WDR35: variants seen among roughly 807,000 people sequenced by gnomAD.
WDR35 encodes WD repeat domain 35, also known as WD repeat-containing protein 35.
Under a neutral mutation model 158.3 loss-of-function variants are expected in WDR35, and 118 were observed. The observed-to-expected ratio is 0.75, with a 90% CI of 0.64 to 0.87. WDR35 has a LOEUF of 0.87. WDR35 is among the 40% of genes least tolerant of loss of function. The pLI is 0.00. For synonymous variants in WDR35, 448 were observed against 476.1 expected (o/e 0.94, Z 0.77); for missense variants, 1,263 against 1,405.8 (o/e 0.90, Z 1.62).
At chr2:19,969,321 A>G (rs1671960194) in intron 9 of WDR35, among the ~76,000 whole-genome samples, 159 bp downstream of exon 9, 1 of 152,168 alleles carries the variant, frequency 6.6e-6, no homozygotes, top group African/African-American at 2.4e-5. Context: ...CTAACTATAT[A>G]TAGTATTCTA....
intron 13 of WDR35, among the ~76,000 whole-genome samples, chr2:19,949,874 C>T (rs113760482): frequency 1.3e-5 from 2 of 152,162 alleles, no homozygotes; most frequent in African/African-American, 4.8e-5. Context: ...GATAGTGAAG[C>T]CAACCACTGA....
At chr2:19,919,417 A>G (rs894147222) in intron 25 of WDR35, among the ~76,000 whole-genome samples, 1 of 150,116 alleles carries the variant, frequency 6.7e-6, no homozygotes, top group Non-Finnish European at 1.5e-5. Context: ...AAAGAAAAAG[A>G]AAAAAAAAGA....
At position 19,915,317 on chromosome 2, in the gene WDR35, A is replaced by G. The variant is rs1572303150; in HGVS notation, c.3122-1040T>C. 2.0e-5 allele frequency among the ~76,000 whole-genome samples: 3 copies of G among 152,286 alleles called. No homozygotes were observed. In the Middle Eastern group the frequency reaches 0.01, roughly 518 times the overall value. On this transcript the variant is annotated intron_variant, in intron 25 of 26. Transcript: ENST00000281405. Reference sequence around the variant, plus strand: ...ACAAAGTGTAGTAGAAAAAATGTATATAAAATGTAATCACTCAGTTACAAT... The same window carrying G: ...ACAAAGTGTAGTAGAAAAAATGTATGTAAAATGTAATCACTCAGTTACAAT...
intron 3 of WDR35, among the ~76,000 whole-genome samples, chr2:19,981,680 G>A (rs1672386833): frequency 6.6e-6 from 1 of 151,976 alleles, no homozygotes; most frequent in Non-Finnish European, 1.5e-5. Flanking sequence ...ACCACGCCTG[G>A]TTAATTTTTT....
chr2:19,989,270 T>TG lies in WDR35; in HGVS notation c.36dup (p.Asn13GlnfsTer2). On this transcript the variant is annotated frameshift_variant, in exon 2 of 27. Transcript: ENST00000281405. LOFTEE classifies it high-confidence loss of function. Reference sequence around the variant, plus strand: ...GATACACACTGCAGCTTCACGTTATTGGGAATGGAAATCTGAAAAAGCAAC... The same window carrying TG: ...GATACACACTGCAGCTTCACGTTATTGGGGAATGGAAATCTGAAAAAGCAAC... 6.2e-7 allele frequency: 1 copy of TG among 1,614,164 alleles called. No homozygotes were observed. The highest frequency in any genetic ancestry group is 1.1e-5 in the South Asian group (1 of 91,084).
At chr2:19,980,822 C>A in intron 3 of WDR35, 39 bp from the exon 4 acceptor site, 1 of 1,561,094 alleles carries the variant, frequency 6.4e-7, no homozygotes, top group South Asian at 1.1e-5. Flanking sequence ...TTAAAGGTTA[C>A]AATTAATTTC....
intron 25 of WDR35, among the ~76,000 whole-genome samples, chr2:19,915,919 T>TAA (rs4035119): frequency 4.8e-5 from 6 of 124,742 alleles, no homozygotes; most frequent in Admixed American, 8.1e-5. Context: ...AGACTCCATC[T>TAA]AAAAAAAAAA....
At chr2:19,953,727 T>C (rs1471353276) in intron 12 of WDR35, 107 bp downstream of exon 12, 14 of 1,405,144 alleles carry the variant, frequency 1.0e-5, no homozygotes, top group African/African-American at 1.4e-5. Context: ...AAAACATTTC[T>C]ACTAATCAAG....
chr2:19,916,087 C>A (rs183746995), intron 25 of WDR35, among the ~76,000 whole-genome samples: 1 of 152,220 alleles, frequency 6.6e-6, no homozygotes, highest in East Asian at 1.9e-4. Context: ...GTGGGTGCAG[C>A]CCAAGGAGGA....
chr2:19,982,332 C>A, intron 3 of WDR35, 131 bp downstream of exon 3: 2 of 882,678 alleles, frequency 2.3e-6, no homozygotes, highest in South Asian at 1.5e-5. Context: ...ATATCCCCAT[C>A]GTAACTCAAA....
At chr2:19,944,611 C>T (rs11096632) in intron 16 of WDR35, among the ~76,000 whole-genome samples, 12,283 of 152,146 alleles carry the variant, frequency 0.081, 704 homozygotes, top group South Asian at 0.2. Flanking sequence ...TTGAAAGAAG[C>T]CCATGCTTAC....
intron 25 of WDR35, among the ~76,000 whole-genome samples, chr2:19,925,144 C>T (rs1670316602): frequency 1.3e-5 from 2 of 152,174 alleles, no homozygotes; most frequent in African/African-American, 4.8e-5. Flanking sequence ...CCTGGGGAAC[C>T]CCCGCAAAGG....
chr2:19,986,392 G>A (rs1194444502), intron 2 of WDR35, among the ~76,000 whole-genome samples: 1 of 152,156 alleles, frequency 6.6e-6, no homozygotes, highest in Non-Finnish European at 1.5e-5. Flanking sequence ...TAGAGCAAGT[G>A]AATAGAGAGC....
At chr2:19,959,889 A>C (rs941053181) in intron 11 of WDR35, among the ~76,000 whole-genome samples, 4 of 152,084 alleles carry the variant, frequency 2.6e-5, no homozygotes, top group Non-Finnish European at 5.9e-5. Flanking sequence ...TGGAAGTTAC[A>C]GTGAAATGGC....
Position 19,933,487 on chromosome 2 carries a change from C to T in WDR35, c.2572G>A (p.Val858Ile). 1 of 1,613,830 alleles carries T rather than the reference C, an allele frequency of 6.2e-7. No individual in the cohort carries two copies. Among genetic ancestry groups the T allele is most frequent in the African/African-American group, 1.3e-5 (1 of 75,056 alleles). The change falls in exon 22 of 27, where the codon GTT becomes ATT. Residue 858 changes from valine to isoleucine, a missense_variant. Coordinates refer to ENST00000281405, the MANE Select transcript of WDR35 (RefSeq NM_020779.4). Reference sequence around the variant, plus strand: ...GTCACTGCTTGTTCACACATTCCAACTCTGACAAACATTTGTGCTATTTCC... The same window carrying T: ...GTCACTGCTTGTTCACACATTCCAATTCTGACAAACATTTGTGCTATTTCC... ...LPEIAQMFVR[V>I]GMCEQAVTAF... is the part of the protein sequence containing the mutation.
At chr2:19,924,846 G>A (rs1214149765) in intron 25 of WDR35, among the ~76,000 whole-genome samples, 1 of 152,088 alleles carries the variant, frequency 6.6e-6, no homozygotes, top group Non-Finnish European at 1.5e-5. Flanking sequence ...AAAGAATGTA[G>A]AAAAAATCAG....
At chr2:19,974,905 T>C (rs1438955211) in intron 6 of WDR35, among the ~76,000 whole-genome samples, 1 of 152,154 alleles carries the variant, frequency 6.6e-6, no homozygotes, top group Non-Finnish European at 1.5e-5. Flanking sequence ...AACAGCAAAA[T>C]GACATAAAAG....
In WDR35 at chr2:19,913,775, C is replaced by T. The variant is rs1282549567; in HGVS notation, c.3363-67G>A. 1.9e-6 allele frequency: 3 copies of T among 1,589,586 alleles called. No individual in the cohort carries two copies. In the African/African-American group the frequency reaches 4.1e-5, roughly 22 times the overall value. The stretch of plus-strand genomic sequence containing the variant: ...CTCATTAGTCTAACTTTATTTAATA[C>T]ACTTAAAAAAAACCTAAAGAATAAA... On this transcript the variant is annotated intron_variant, in intron 26 of 26. Coordinates refer to ENST00000281405, the MANE Select transcript of WDR35 (RefSeq NM_020779.4).
chr2:19,912,607 T>C lies in WDR35; in HGVS notation c.*951A>G, dbSNP rs1669871259. 6.6e-6 allele frequency: 1 copy of C among 152,210 alleles called. No individual in the cohort carries two copies. The highest frequency in any genetic ancestry group is 6.5e-5 in the Admixed American group (1 of 15,274). 9.4% of individuals were successfully genotyped at this position (152,210 alleles called of 1,614,324 possible). A position where few individuals can be genotyped will look rare whatever the true frequency, so the allele number is the denominator to read the frequency against. On this transcript the variant is annotated 3_prime_UTR_variant, in exon 27 of 27. Coordinates refer to ENST00000281405, the MANE Select transcript of WDR35 (RefSeq NM_020779.4). Reference sequence around the variant, plus strand: ...TAAGCCAAACCTCAATAAAATAATCTTGATGAAATAGTGCAAAGGTCTGGT... The same window carrying C: ...TAAGCCAAACCTCAATAAAATAATCCTGATGAAATAGTGCAAAGGTCTGGT...
Sources: allele counts gnomAD v4.1 joint callset (sites outside exome capture counted in the v4.1 genomes callset), GRCh38; gene constraint gnomAD v4.1.1; transcripts MANE v1.5; gene names NCBI Gene and HGNC (gene_info 2026-07-23, HGNC 2026-07-21).